LMBR1: variants seen among roughly 807,000 people sequenced by gnomAD.
The protein encoded by LMBR1 is limb region 1 protein homolog.
Under a neutral mutation model 73.9 loss-of-function variants are expected in LMBR1, and 52 were observed. The observed-to-expected ratio is 0.70, with a 90% CI of 0.56 to 0.89. The LOEUF (loss-of-function observed/expected upper bound fraction) is 0.89. Among genes scored for constraint, LMBR1 ranks in the 40% least tolerant of loss-of-function variants. The pLI, the probability that LMBR1 is intolerant of heterozygous loss-of-function variation, is 0.00. For synonymous variants in LMBR1, 215 were observed against 209.4 expected (o/e 1.03, Z -0.23); for missense variants, 539 against 579.8 (o/e 0.93, Z 0.72).
At chr7:156,778,132 A>C (rs1826485385) in intron 5 of LMBR1, among the ~76,000 whole-genome samples, 1 of 152,094 alleles carries the variant, frequency 6.6e-6, no homozygotes, top group Non-Finnish European at 1.5e-5. Context: ...AGCCAAAAGA[A>C]CTCTCTGTAG....
In LMBR1 at chr7:156,775,516, G is replaced by A. The variant is rs74523067; in HGVS notation, c.424-11721C>T. ...GAATGAATTATTATACTTCCATAGC[G>A]TAAGACATTATATCTTAAATCATGG... On this transcript the variant is annotated intron_variant, in intron 5 of 16. Coordinates refer to ENST00000353442, the MANE Select transcript of LMBR1 (RefSeq NM_022458.4). Among the ~76,000 whole-genome samples, 311 of 152,190 alleles carry A rather than the reference G, an allele frequency of 2.0e-3. 3 individuals are homozygous for A. In the East Asian group the frequency reaches 0.046, roughly 23 times the overall value.
chr7:156,718,862 CT>C (rs141231287), intron 15 of LMBR1, among the ~76,000 whole-genome samples: 3,367 of 144,614 alleles, frequency 0.023, 80 homozygotes, highest in African/African-American at 0.06. Flanking sequence ...TTTCAAGTTA[CT>C]TTTTTTTTTT....
At chr7:156,740,927 AAAT>A (rs1270667350) in intron 9 of LMBR1, among the ~76,000 whole-genome samples, 11 of 152,222 alleles carry the variant, frequency 7.2e-5, no homozygotes, top group Admixed American at 6.5e-5. Flanking sequence ...AACCAATCAA[AAAT>A]AATAACTACA....
intron 1 of LMBR1, among the ~76,000 whole-genome samples, chr7:156,839,120 GCTCATTGCAAC>G (rs1252782986): frequency 6.8e-6 from 1 of 147,382 alleles, no homozygotes; most frequent in Non-Finnish European, 1.5e-5. Flanking sequence ...CGCGATCTTG[GCTCATTGCAAC>G]CTCCACCTCC....
intron 15 of LMBR1, among the ~76,000 whole-genome samples, chr7:156,699,629 T>C (rs1420824568): frequency 2.0e-5 from 3 of 151,854 alleles, no homozygotes; most frequent in South Asian, 2.1e-4. Context: ...ACCTACAGAA[T>C]GGGAGAAAAT....
Position 156,711,857 on chromosome 7 carries a change from G to A in LMBR1, c.1225+12255C>T, listed in dbSNP as rs556843678. 2.0e-5 allele frequency among the ~76,000 whole-genome samples: 3 copies of A among 152,088 alleles called. No individual in the cohort carries two copies. The East Asian group carries it at 5.8e-4, about 29-fold the overall frequency. The stretch of plus-strand genomic sequence containing the variant: ...CCATATATAAAAATCAACTCAAGAT[G>A]GATTAAAGACTGAAATGTAAGACCT... On this transcript the variant is annotated intron_variant, in intron 15 of 16. Transcript: ENST00000353442.
chr7:156,704,413 C>T (rs955612998), intron 15 of LMBR1, among the ~76,000 whole-genome samples: 15 of 152,112 alleles, frequency 9.9e-5, no homozygotes, highest in African/African-American at 3.6e-4. Context: ...GCCCTACCTG[C>T]CCAAACACAT....
At chr7:156,891,190 C>CAAAAAAAAAAAA (rs58107543) in intron 1 of LMBR1, among the ~76,000 whole-genome samples, 1 of 20,674 alleles carries the variant, frequency 4.8e-5, no homozygotes, top group Non-Finnish European at 8.1e-5. Flanking sequence ...GACTCCATCA[C>CAAAAAAAAAAAA]AAAAAAAAAA....
intron 15 of LMBR1, among the ~76,000 whole-genome samples, chr7:156,705,069 T>G (rs776975535): frequency 2.6e-5 from 4 of 152,096 alleles, no homozygotes; most frequent in Non-Finnish European, 4.4e-5. Context: ...GATTTAGACA[T>G]CCAAATACAG....
intron 1 of LMBR1, among the ~76,000 whole-genome samples, chr7:156,876,506 C>T (rs1471710474): frequency 2.0e-5 from 3 of 152,118 alleles, no homozygotes; most frequent in African/African-American, 7.2e-5. Flanking sequence ...ACCCAACAAC[C>T]GCTGAATATA....
chr7:156,881,746 A>G (rs2134468113), intron 1 of LMBR1, among the ~76,000 whole-genome samples: 1 of 152,242 alleles, frequency 6.6e-6, no homozygotes, highest in African/African-American at 2.4e-5. Context: ...ACCAATTATC[A>G]GGGCAATGTA....
chr7:156,879,248 G>A (rs1441027678), intron 1 of LMBR1, among the ~76,000 whole-genome samples: 1 of 152,224 alleles, frequency 6.6e-6, no homozygotes, highest in Non-Finnish European at 1.5e-5. Context: ...AGTCAGCAGA[G>A]TAAACAGAAA....
At chr7:156,841,656 A>G (rs1838723151) in intron 1 of LMBR1, among the ~76,000 whole-genome samples, 1 of 152,140 alleles carries the variant, frequency 6.6e-6, no homozygotes, top group Non-Finnish European at 1.5e-5. Flanking sequence ...ACAGGCCAAG[A>G]AAGATGAGGA....
intron 1 of LMBR1, among the ~76,000 whole-genome samples, chr7:156,864,010 C>T (rs34279573): frequency 0.049 from 7,393 of 151,998 alleles, 287 homozygotes; most frequent in Middle Eastern, 0.12. Context: ...AAAAATTAGC[C>T]AGCTGTGGTG....
At chr7:156,862,436 T>C (rs1256188712) in intron 1 of LMBR1, among the ~76,000 whole-genome samples, 1 of 151,916 alleles carries the variant, frequency 6.6e-6, no homozygotes, top group Non-Finnish European at 1.5e-5. Flanking sequence ...CCAAACGATA[T>C]TGTGGATCAT....
chr7:156,734,220 C>T lies in LMBR1; in HGVS notation c.795G>A (p.Leu265=), dbSNP rs1273501194. 3 of 1,608,858 alleles carry T rather than the reference C, an allele frequency of 1.9e-6. No homozygotes were observed. Among genetic ancestry groups the T allele is most frequent in the African/African-American group, 1.3e-5 (1 of 74,608 alleles). ...SSSVEYNIME[L]EQELENVKTL... ...TCTTTACATTTTCAAGTTCTTGTTCCAACTCCATTATGTTGTATTCCACCG... is the reference window on the plus strand; with the variant it reads ...TCTTTACATTTTCAAGTTCTTGTTCTAACTCCATTATGTTGTATTCCACCG... Residue 265 remains leucine, a synonymous_variant, in exon 10 of 17, where the codon TTG becomes TTA. Transcript: ENST00000353442.
intron 9 of LMBR1, among the ~76,000 whole-genome samples, chr7:156,747,074 G>A (rs996500495): frequency 2.0e-5 from 3 of 152,084 alleles, no homozygotes; most frequent in African/African-American, 7.2e-5. Flanking sequence ...CCCAACATAA[G>A]ATTTCACTAC....
chr7:156,707,005 A>G (rs1563178000), intron 15 of LMBR1, among the ~76,000 whole-genome samples: 3 of 151,800 alleles, frequency 2.0e-5, no homozygotes, highest in Admixed American at 6.6e-5. Flanking sequence ...GTAACAAGGG[A>G]AAAAAAAGAG....
chr7:156,676,255 A>ATATG, downstream of LMBR1: 1 of 1,539,372 alleles, frequency 6.5e-7, no homozygotes, highest in Non-Finnish European at 8.8e-7. Context: ...GTATATATAT[A>ATATG]TGTATATATA....
Sources: allele counts gnomAD v4.1 joint callset (sites outside exome capture counted in the v4.1 genomes callset), GRCh38; gene constraint gnomAD v4.1.1; transcripts MANE v1.5; gene names NCBI Gene and HGNC (gene_info 2026-07-23, HGNC 2026-07-21).